PTPN5: variants seen among roughly 807,000 people sequenced by gnomAD.
PTPN5 encodes tyrosine-protein phosphatase non-receptor type 5.
Under a neutral mutation model 73.9 loss-of-function variants are expected in PTPN5, and 29 were observed. The observed-to-expected ratio is 0.39, with a 90% CI of 0.29 to 0.54. The LOEUF (loss-of-function observed/expected upper bound fraction) is 0.54, where lower values mean the gene tolerates loss of function less well. Ranked by LOEUF, PTPN5 falls within the 20% of genes least tolerant of loss-of-function variation. PTPN5 has a pLI of 0.65. For missense variants in PTPN5, 652 were observed against 751.4 expected, an observed-to-expected ratio of 0.87 and a Z score of 1.55; for synonymous variants, 267 against 304.7, an observed-to-expected ratio of 0.88 and a Z score of 1.29.
chr11:18,762,414 A>G (rs1383464096), intron 3 of PTPN5, among the ~76,000 whole-genome samples: 4 of 152,010 alleles, frequency 2.6e-5, no homozygotes, highest in East Asian at 3.9e-4. Flanking sequence ...ACAAACTCCC[A>G]TTTCCTTTTA....
At chr11:18,778,616 CCTG>C (rs2134345483) in intron 1 of PTPN5, among the ~76,000 whole-genome samples, 1 of 152,294 alleles carries the variant, frequency 6.6e-6, no homozygotes, top group Admixed American at 6.5e-5. Flanking sequence ...CTCTCTTGTT[CCTG>C]CTTTCGCTGT....
chr11:18,729,043 G>A lies in PTPN5; in HGVS notation c.1605-16C>T, dbSNP rs778312291. ...CATGCCGCCCCTGCCCGGCAGAGATGCACAGTGGGGGCAGGGTCGTGGAGG... is the reference window on the plus strand; with the variant it reads ...CATGCCGCCCCTGCCCGGCAGAGATACACAGTGGGGGCAGGGTCGTGGAGG... On this transcript the variant is annotated splice_polypyrimidine_tract_variant and intron_variant, in intron 14 of 14. Coordinates refer to ENST00000358540, the MANE Select transcript of PTPN5 (RefSeq NM_006906.2). The surrounding 1 kb of genome is among the most constrained non-coding windows in gnomAD (Gnocchi z 5.2). The A allele has an allele frequency of 3.7e-6, 6 of 1,612,658 alleles. No individual in the cohort carries two copies. Among genetic ancestry groups the A allele is most frequent in the Non-Finnish European group, 5.1e-6 (6 of 1,179,640 alleles).
rs765721079 is a variant in PTPN5 at position 18,733,370 on chromosome 11, G to A, written c.1083C>T (p.Gly361=). ...TGTACACCTTCTCCTCCCCACCATA[G>A]CCCTGCGGCCAGCCAAGTCCAGGCT... ...SSYINANYIR[G]YGGEEKVYIA... Residue 361 remains glycine, a splice_region_variant and synonymous_variant, in exon 11 of 15, where the codon GGC becomes GGT. Coordinates refer to ENST00000358540, the MANE Select transcript of PTPN5 (RefSeq NM_006906.2). This position sits in a 1 kb window ranked among gnomAD's most constrained non-coding sequence, Gnocchi z 4.3. The A allele has an allele frequency of 7.4e-6, 12 of 1,613,084 alleles. No individual in the cohort carries two copies.
rs773490900 is a variant in PTPN5 at position 18,746,162 on chromosome 11, AATATAT to A, written c.98-1969_98-1964del. On this transcript the variant is annotated intron_variant, in intron 3 of 14. Transcript: ENST00000358540. ...ACTTTGAAAAGCTGTTATAAATATA[AATATAT>A]ATATATATATATATATATATATATA... 3.3e-3 allele frequency among the ~76,000 whole-genome samples: 225 copies of A among 67,664 alleles called. 2 individuals carry two copies. Among genetic ancestry groups the A allele is most frequent in the African/African-American group, 6.4e-3 (147 of 22,800 alleles). The allele number at this position is 67,664 out of a possible 152,430, so 44.4% of individuals were successfully genotyped here. A position where few individuals can be genotyped will look rare whatever the true frequency, so the allele number is the denominator to read the frequency against.
At chr11:18,766,422 CT>C (rs1174279696) in intron 2 of PTPN5, among the ~76,000 whole-genome samples, 1 of 152,196 alleles carries the variant, frequency 6.6e-6, no homozygotes, top group Non-Finnish European at 1.5e-5. Flanking sequence ...ACCCACAATC[CT>C]GTGTCCAGCT....
At chr11:18,754,370 C>T (rs1041693381) in intron 3 of PTPN5, among the ~76,000 whole-genome samples, 4 of 152,170 alleles carry the variant, frequency 2.6e-5, no homozygotes, top group Admixed American at 6.5e-5. Flanking sequence ...GCAGCACAGC[C>T]GACTGTCAAG....
chr11:18,774,118 G>A (rs1851035113), intron 1 of PTPN5, among the ~76,000 whole-genome samples: 1 of 152,252 alleles, frequency 6.6e-6, no homozygotes, highest in Non-Finnish European at 1.5e-5. Flanking sequence ...CTCTAGGAAA[G>A]TGTCTTTATC....
intron 8 of PTPN5, among the ~76,000 whole-genome samples, 153 bp from the exon 9 acceptor site, chr11:18,738,117 C>A (rs1218730349): frequency 6.6e-6 from 1 of 152,128 alleles, no homozygotes; most frequent in Non-Finnish European, 1.5e-5. Flanking sequence ...TTAGTGCTCA[C>A]GACGCATTCA....
intron 3 of PTPN5, among the ~76,000 whole-genome samples, chr11:18,752,098 G>A (rs1454234297): frequency 3.3e-5 from 5 of 152,286 alleles, no homozygotes; most frequent in African/African-American, 9.6e-5. Flanking sequence ...AGGTGTGGTG[G>A]TGTGCGTCTG....
At chr11:18,747,758 T>G (rs1849705327) in intron 3 of PTPN5, among the ~76,000 whole-genome samples, 1 of 152,224 alleles carries the variant, frequency 6.6e-6, no homozygotes, top group Non-Finnish European at 1.5e-5. Flanking sequence ...TACAAAACAG[T>G]ATAATCTCAC....
intron 3 of PTPN5, among the ~76,000 whole-genome samples, chr11:18,753,749 T>C (rs548545122): frequency 6.6e-6 from 1 of 151,776 alleles, no homozygotes; most frequent in Admixed American, 6.6e-5. Flanking sequence ...GTGGTGGGGG[T>C]AGGGGAGTAG....
At chr11:18,777,786 AAAT>A (rs1851228123) in intron 1 of PTPN5, among the ~76,000 whole-genome samples, 1 of 152,034 alleles carries the variant, frequency 6.6e-6, no homozygotes, top group African/African-American at 2.4e-5. Context: ...TCTCACCAAA[AAAT>A]AATATGTGAG....
At chr11:18,735,138 A>G (rs1190632352) in intron 9 of PTPN5, among the ~76,000 whole-genome samples, 1 of 152,216 alleles carries the variant, frequency 6.6e-6, no homozygotes, top group African/African-American at 2.4e-5. Context: ...TATTCCTGAC[A>G]TTATTACAAG....
chr11:18,756,660 C>T (rs1219205138), intron 3 of PTPN5, among the ~76,000 whole-genome samples: 4 of 151,822 alleles, frequency 2.6e-5, no homozygotes, highest in Admixed American at 6.5e-5. Context: ...CGGTGGCTCA[C>T]GCCTGTAATC....
At chr11:18,783,479 GTTC>G (rs1851534500) in intron 1 of PTPN5, among the ~76,000 whole-genome samples, 1 of 152,208 alleles carries the variant, frequency 6.6e-6, no homozygotes, top group South Asian at 2.1e-4. Context: ...TCTCTCCTGT[GTTC>G]CCACAGCCCT....
chr11:18,746,836 A>G (rs1849666191), intron 3 of PTPN5, among the ~76,000 whole-genome samples: 1 of 152,210 alleles, frequency 6.6e-6, no homozygotes, highest in African/African-American at 2.4e-5. Context: ...TGGGAAGGCA[A>G]GAGTTGCTAC....
chr11:18,734,386 T>G (rs1173350214), intron 9 of PTPN5, among the ~76,000 whole-genome samples: 1 of 152,232 alleles, frequency 6.6e-6, no homozygotes, highest in Non-Finnish European at 1.5e-5. Context: ...GGCACGATTA[T>G]GGCTCGCTGC....
chr11:18,777,475 C>T (rs781691156), intron 1 of PTPN5, among the ~76,000 whole-genome samples: 5 of 152,156 alleles, frequency 3.3e-5, no homozygotes, highest in Non-Finnish European at 7.4e-5. Flanking sequence ...TCAGGCTTTG[C>T]CTGTTTCCCA....
intron 3 of PTPN5, among the ~76,000 whole-genome samples, chr11:18,744,693 C>T (rs1849537119): frequency 6.6e-6 from 1 of 152,150 alleles, no homozygotes; most frequent in Non-Finnish European, 1.5e-5. Context: ...TCCATGTGCC[C>T]CCACCCCATC....
Sources: gnomAD v4.1 joint callset for allele counts (sites outside exome capture counted in the v4.1 genomes callset) on GRCh38, gnomAD v4.1.1 for gene constraint, Gnocchi (gnomAD v3.1) non-coding constraint, MANE v1.5 for transcripts, NCBI Gene and HGNC (gene_info 2026-07-23, HGNC 2026-07-21) for gene names.